The following DNPEP variants were observed in gnomAD, a reference collection of about 807,000 sequenced individuals.
The protein encoded by DNPEP is aspartyl aminopeptidase.
Under a neutral mutation model 59.1 loss-of-function variants are expected in DNPEP, and 46 were observed. That is an observed-to-expected ratio of 0.78 (90% CI 0.61 to 0.99). The LOEUF (loss-of-function observed/expected upper bound fraction) is 0.99. Ranked by LOEUF, DNPEP falls within the 50% of genes least tolerant of loss-of-function variation. DNPEP has a pLI of 0.00. For synonymous variants in DNPEP, 229 were observed against 242.2 expected (o/e 0.95, Z 0.50); for missense variants, 617 against 649.9 (o/e 0.95, Z 0.55).
At chr2:219,375,078 G>A (rs1953319168) in intron 13 of DNPEP, 56 bp from the exon 14 acceptor site, 2 of 1,576,380 alleles carry the variant, frequency 1.3e-6, no homozygotes, top group Non-Finnish European at 1.7e-6. Context: ...TCAGAGCCAA[G>A]GAGGACGCCA....
chr2:219,389,325 C>T (rs1009680646), upstream of DNPEP, among the ~76,000 whole-genome samples: 3 of 151,978 alleles, frequency 2.0e-5, no homozygotes, highest in African/African-American at 7.3e-5. Flanking sequence ...GCCCAGCTAC[C>T]AGGGGTTCAA....
chr2:219,384,554 C>G, intron 8 of DNPEP, 111 bp from the exon 9 acceptor site: 2 of 781,670 alleles, frequency 2.6e-6, no homozygotes, highest in South Asian at 1.8e-5. Context: ...TGACCCCTGG[C>G]TTAGGGCACT....
chr2:219,398,266 C>T (rs181687789), intron 1 of DNPEP, among the ~76,000 whole-genome samples: 66 of 152,356 alleles, frequency 4.3e-4, no homozygotes, highest in Non-Finnish European at 8.5e-4. Context: ...CAGGTCGCTG[C>T]GCTAATCATC....
At position 219,382,117 on chromosome 2, in the gene DNPEP, C is replaced by T. The variant is rs1242090936; in HGVS notation, c.959G>A (p.Gly320Glu). The stretch of plus-strand genomic sequence containing the variant: ...CAGCTCTGTCAGCAGTGACTGTGCT[C>T]CCTGTGCACTCTCAGACCCCACCTG... ...NEEVGSESAQGAQSLLTELVL... is the reference protein window; with the variant it reads ...NEEVGSESAQEAQSLLTELVL... The change falls in exon 11 of 15, where the codon GGA becomes GAA. Residue 320 changes from glycine to glutamate, a missense_variant. Physicochemically the swap from Gly to Glu is moderately conservative, Grantham distance 98. Coordinates refer to ENST00000273075, the MANE Select transcript of DNPEP (RefSeq NM_012100.4). The T allele has an allele frequency of 6.2e-7, 1 of 1,612,278 alleles. No homozygotes were observed. The highest frequency in any genetic ancestry group is 8.5e-7 in the Non-Finnish European group (1 of 1,180,020).
chr2:219,387,546 G>A, intron 1 of DNPEP: 1 of 1,400,314 alleles, frequency 7.1e-7, no homozygotes, highest in Non-Finnish European at 9.3e-7. Context: ...TGTACCCCAA[G>A]GAGCACCCTG....
chr2:219,382,619 C>G (rs1354776831), intron 10 of DNPEP, among the ~76,000 whole-genome samples: 1 of 152,166 alleles, frequency 6.6e-6, no homozygotes, highest in Non-Finnish European at 1.5e-5. Flanking sequence ...GTGTCTACTG[C>G]CCCTTTGCCC....
In DNPEP at chr2:219,386,992, G is replaced by A. The variant is rs1374526826; in HGVS notation, c.131-12C>T. 1.2e-6 allele frequency: 2 copies of A among 1,613,888 alleles called. No homozygotes were observed. Among genetic ancestry groups the A allele is most frequent in the Non-Finnish European group, 1.7e-6 (2 of 1,179,910 alleles). On this transcript the variant is annotated splice_polypyrimidine_tract_variant and intron_variant, in intron 2 of 14. Coordinates refer to ENST00000273075, the MANE Select transcript of DNPEP (RefSeq NM_012100.4). ...GCATTCAGCCACAGCTGTGGGAAAAGCACCCTCTCACAGCGATGGAAGCTG... is the reference window on the plus strand; with the variant it reads ...GCATTCAGCCACAGCTGTGGGAAAAACACCCTCTCACAGCGATGGAAGCTG...
rs1376820063 is a variant in DNPEP, at chr2:219,373,384, G to C, written c.*908C>G. On this transcript the variant is annotated 3_prime_UTR_variant, in exon 15 of 15. Coordinates refer to ENST00000273075, the MANE Select transcript of DNPEP (RefSeq NM_012100.4). ...CGCCTGGCCTTTTTTCTCTGAGACA[G>C]AGCCTTGCTCTGTTGCCCAGGCTGG... is the stretch of plus-strand genomic sequence containing the variant. 5 of 151,630 alleles carry C rather than the reference G, an allele frequency of 3.3e-5. No homozygotes were observed. The highest frequency in any genetic ancestry group is 6.6e-5 in the Admixed American group (1 of 15,192). The allele number at this position is 151,630 out of a possible 1,614,324, so 9.4% of individuals were successfully genotyped here. A position where few individuals can be genotyped will look rare whatever the true frequency, so the allele number is the denominator to read the frequency against.
At position 219,387,250 on chromosome 2, in the gene DNPEP, C is replaced by G; in HGVS notation, c.37-87G>C. 3 of 1,518,058 alleles carry G rather than the reference C, an allele frequency of 2.0e-6. No individual in the cohort carries two copies. In the South Asian group the frequency reaches 3.7e-5, roughly 19 times the overall value. The allele number at this position is 1,518,058 out of a possible 1,614,324, so 94.0% of individuals were successfully genotyped here. A position where few individuals can be genotyped will look rare whatever the true frequency, so the allele number is the denominator to read the frequency against. The stretch of plus-strand genomic sequence containing the variant: ...TCCGAGGATTCTCCCATCCCCACCC[C>G]CAGAAGTGACCACTCTAAGGCACAG... On this transcript the variant is annotated intron_variant, in intron 1 of 14. Coordinates refer to ENST00000273075, the MANE Select transcript of DNPEP (RefSeq NM_012100.4).
intron 1 of DNPEP, chr2:219,399,838 GC>G: frequency 1.3e-6 from 2 of 1,545,996 alleles, no homozygotes; most frequent in Non-Finnish European, 1.7e-6. Flanking sequence ...GCACTGGCTG[GC>G]CACAGAACTA....
At chr2:219,390,387 C>G (rs974741546), upstream of DNPEP, among the ~76,000 whole-genome samples, 3 of 151,980 alleles carry the variant, frequency 2.0e-5, no homozygotes, top group Admixed American at 6.6e-5. Flanking sequence ...CTTTCTTGTA[C>G]AATAATCACC....
rs776545751 is a variant in DNPEP at position 219,381,959 on chromosome 2, G to A, written c.1097+20C>T. 2 of 1,613,196 alleles carry A rather than the reference G, an allele frequency of 1.2e-6. No homozygotes were observed. Among genetic ancestry groups the A allele is most frequent in the African/African-American group, 2.7e-5 (2 of 74,932 alleles). On this transcript the variant is annotated intron_variant, in intron 11 of 14. Transcript: ENST00000273075. Reference sequence around the variant, plus strand: ...GTCTCCAGCTATGTGAAGACTGTGTGACTGGCACTAGAGACTCACAGGTAG... The same window carrying A: ...GTCTCCAGCTATGTGAAGACTGTGTAACTGGCACTAGAGACTCACAGGTAG...
exon 1 of DNPEP, chr2:219,399,973 C>A: frequency 6.7e-7 from 1 of 1,483,672 alleles, no homozygotes. Context: ...AGGCCTGAAC[C>A]GTGTGCCTTT....
intron 1 of DNPEP, among the ~76,000 whole-genome samples, chr2:219,397,647 C>T (rs1476359068): frequency 1.3e-5 from 2 of 152,176 alleles, no homozygotes; most frequent in Non-Finnish European, 2.9e-5. Flanking sequence ...GAAGAGATAT[C>T]TGGGCTGGGG....
At position 219,372,044 on chromosome 2, in the gene DNPEP, A is replaced by G. The variant is rs536325309; in HGVS notation, c.*2248T>C. Among the ~76,000 whole-genome samples the G allele has an allele frequency of 3.9e-5, 6 of 152,320 alleles. No homozygotes were observed. Among genetic ancestry groups the G allele is most frequent in the African/African-American group, 1.4e-4 (6 of 41,568 alleles). Reference sequence around the variant, plus strand: ...AAGGCAAATGTACAATGATATATGTACATTTATCTCAATGTTATTTAGAGT... The same window carrying G: ...AAGGCAAATGTACAATGATATATGTGCATTTATCTCAATGTTATTTAGAGT... On this transcript the variant is annotated 3_prime_UTR_variant, in exon 15 of 15. Transcript: ENST00000273075.
At chr2:219,397,410 G>A (rs1954117070) in intron 1 of DNPEP, among the ~76,000 whole-genome samples, 1 of 152,098 alleles carries the variant, frequency 6.6e-6, no homozygotes, top group South Asian at 2.1e-4. Flanking sequence ...CTGTTGCCCA[G>A]GCTGGAGTAC....
At position 219,374,885 on chromosome 2, in the gene DNPEP, TGTG is replaced by T; in HGVS notation, c.1374_1376del (p.Thr459del). The T allele has an allele frequency of 6.2e-7, 1 of 1,614,196 alleles. No homozygotes were observed. The highest frequency in any genetic ancestry group is 8.5e-7 in the Non-Finnish European group (1 of 1,180,042). ...AGAGGGTGAGGGTCTGGAGGACTCC[TGTG>T]GTGCAGGCCATCTCCCGGATAGAGT... On this transcript the variant is annotated inframe_deletion, in exon 14 of 15. Coordinates refer to ENST00000273075, the MANE Select transcript of DNPEP (RefSeq NM_012100.4).
intron 8 of DNPEP, 56 bp downstream of exon 8, chr2:219,385,368 G>A: frequency 8.1e-7 from 1 of 1,236,156 alleles, no homozygotes; most frequent in South Asian, 1.2e-5. Context: ...GACGGGCTAG[G>A]GGTGGCCAGG....
intron 13 of DNPEP, among the ~76,000 whole-genome samples, chr2:219,377,103 G>A (rs1033052197): frequency 6.6e-6 from 1 of 151,672 alleles, no homozygotes; most frequent in African/African-American, 2.4e-5. Flanking sequence ...GTGAAACCCT[G>A]TCTCTACTAA....
Sources: gnomAD v4.1 joint callset for allele counts (sites outside exome capture counted in the v4.1 genomes callset) on GRCh38, gnomAD v4.1.1 for gene constraint, MANE v1.5 for transcripts, NCBI Gene and HGNC (gene_info 2026-07-23, HGNC 2026-07-21) for gene names.